The following HERC6 variants were observed in gnomAD, a reference collection of about 807,000 sequenced individuals.
HERC6 encodes the protein HECT and RLD domain containing E3 ubiquitin protein ligase family member 6, also known as probable E3 ubiquitin-protein ligase HERC6.
In HERC6, 101 loss-of-function variants were observed where a neutral mutation model predicts 114.5. The ratio of observed to expected loss-of-function variants is 0.88; its 90% confidence interval spans 0.75 to 1.04. The LOEUF is 1.04. Ranked by LOEUF, HERC6 falls within the 50% of genes least tolerant of loss-of-function variation. The probability of loss-of-function intolerance (pLI) is 0.00; values close to 1 mark genes in which losing one functional copy is unlikely to be tolerated. For synonymous variants in HERC6, 408 were observed against 436.2 expected, an observed-to-expected ratio of 0.94 and a Z score of 0.81; for missense variants, 1,133 against 1,230.9, an observed-to-expected ratio of 0.92 and a Z score of 1.19.
Position 88,435,881 on chromosome 4 carries a change from C to T in HERC6, c.2407C>T (p.Arg803Trp), listed in dbSNP as rs1437454911. 15 of 1,600,994 alleles carry T rather than the reference C, an allele frequency of 9.4e-6. No homozygotes were observed. The highest frequency in any genetic ancestry group is 5.4e-5 in the African/African-American group (4 of 73,956). ...GGAAGATTTAAAAGAACTCAGTCCT[C>T]GGTTGGGGAAGTAAGTAAATATAAC... ...SLEDLKELSP[R>W]LGKSLQEVLD... Residue 803 changes from arginine to tryptophan, a missense_variant, in exon 18 of 23, where the codon CGG becomes TGG. Physicochemically the swap from Arg to Trp is moderately radical, Grantham distance 101. This residue lies in a region of HERC6 where 388 missense variants were observed against 445.9 expected (regional missense o/e 0.87). Coordinates refer to ENST00000264346, the MANE Select transcript of HERC6 (RefSeq NM_017912.4).
At chr4:88,421,533 C>T (rs144320640) in intron 13 of HERC6, among the ~76,000 whole-genome samples, 2,664 of 151,792 alleles carry the variant, frequency 0.018, 77 homozygotes, top group South Asian at 0.069. Flanking sequence ...CTGCCACCTC[C>T]ACCTCCCAGG....
In HERC6 at chr4:88,413,196, C is replaced by T. The variant is rs1307325572; in HGVS notation, c.1488C>T (p.Asn496=). 1 of 1,613,268 alleles carries T rather than the reference C, an allele frequency of 6.2e-7. No individual in the cohort carries two copies. The highest frequency in any genetic ancestry group is 8.5e-7 in the Non-Finnish European group (1 of 1,179,606). ...PECPVMHDSK[N]WKNLVVPFAK... Reference sequence around the variant, plus strand: ...GTCCTGTGATGCATGATTCTAAGAACTGGAAGAACCTGGTGGTTCCATTTG... The same window carrying T: ...GTCCTGTGATGCATGATTCTAAGAATTGGAAGAACCTGGTGGTTCCATTTG... Residue 496 remains asparagine, a synonymous_variant, in exon 12 of 23, where the codon AAC becomes AAT. Transcript: ENST00000264346.
intron 11 of HERC6, among the ~76,000 whole-genome samples, chr4:88,411,228 C>T (rs546521119): frequency 2.0e-5 from 3 of 151,938 alleles, no homozygotes; most frequent in East Asian, 1.9e-4. Context: ...GTGCTGTTCC[C>T]GGTGTAAGTT....
rs1167613600 is a variant in HERC6 at position 88,423,878 on chromosome 4, C to T, written c.1732C>T (p.Arg578Ter). Residue 578 changes from arginine (R) to a stop codon, truncating the protein, a stop_gained, in exon 14 of 23, where the codon CGA becomes TGA. Transcript: ENST00000264346. LOFTEE classifies it high-confidence loss of function. ...ELHKVNKANCRLPENTFNINE... is the reference protein window; with the variant it reads ...ELHKVNKANC ...CTTTAAGGTAAACAAAGCTAACTGT[C>T]GACTACCAGAAAATACTTTCAACAT... 8 of 1,540,548 alleles carry T rather than the reference C, an allele frequency of 5.2e-6. No homozygotes were observed. In the East Asian group the frequency reaches 1.2e-4, roughly 23 times the overall value.
At chr4:88,393,756 G>A (rs2148879083) in intron 5 of HERC6, among the ~76,000 whole-genome samples, 174 bp downstream of exon 5, 1 of 152,304 alleles carries the variant, frequency 6.6e-6, no homozygotes, top group Non-Finnish European at 1.5e-5. Context: ...AGTTCTGGAG[G>A]CTGGGAAGTC....
At chr4:88,441,699 C>G (rs191980122) in intron 22 of HERC6, among the ~76,000 whole-genome samples, 1 of 152,334 alleles carries the variant, frequency 6.6e-6, no homozygotes, top group Admixed American at 6.5e-5. Flanking sequence ...TCCAACTTGT[C>G]CACAGATCCA....
chr4:88,383,380 A>C lies in HERC6; in HGVS notation c.359A>C (p.Lys120Thr), dbSNP rs1734417872. Residue 120 changes from lysine (K) to threonine (T), a missense_variant and splice_region_variant, in exon 2 of 23, where the codon AAG becomes ACG. By Grantham distance (78) the Lys-to-Thr change is moderately conservative. Coordinates refer to ENST00000264346, the MANE Select transcript of HERC6 (RefSeq NM_017912.4). ...GEFKEISFTP[K>T]KIMTLNDIKI... ...TTCAAGGAAATAAGTTTCACACCTAAGTAAGTGTTTCAACCCACTCCTTCA... is the reference window on the plus strand; with the variant it reads ...TTCAAGGAAATAAGTTTCACACCTACGTAAGTGTTTCAACCCACTCCTTCA... 6.7e-7 allele frequency: 1 copy of C among 1,487,386 alleles called. No homozygotes were observed. Among genetic ancestry groups the C allele is most frequent in the African/African-American group, 1.4e-5 (1 of 70,550 alleles). 92.1% of individuals were successfully genotyped at this position (1,487,386 alleles called of 1,614,324 possible).
intron 13 of HERC6, among the ~76,000 whole-genome samples, chr4:88,421,300 C>T (rs1737023232): frequency 6.6e-6 from 1 of 151,976 alleles, no homozygotes; most frequent in African/African-American, 2.4e-5. Context: ...CCGTATATAC[C>T]CAAGAGTGGG....
chr4:88,417,633 T>G (rs550005599), intron 13 of HERC6, 54 bp downstream of exon 13: 167 of 1,483,538 alleles, frequency 1.1e-4, no homozygotes, highest in Non-Finnish European at 9.2e-6. Flanking sequence ...CAAAATCCCT[T>G]AAGTCTCAAC....
At chr4:88,408,681 C>T (rs771174819) in intron 11 of HERC6, 64 bp downstream of exon 11, 1 of 1,114,178 alleles carries the variant, frequency 9.0e-7, no homozygotes, top group Non-Finnish European at 1.3e-6. Flanking sequence ...TTGTTGGAAG[C>T]TGGGTGAGAT....
At chr4:88,427,881 T>C (rs765912660) in intron 15 of HERC6, among the ~76,000 whole-genome samples, 1 of 152,234 alleles carries the variant, frequency 6.6e-6, no homozygotes, top group African/African-American at 2.4e-5. Context: ...AGTCCAACAC[T>C]AGATTTCTAA....
At chr4:88,385,446 G>A (rs774261216) in intron 2 of HERC6, 53 bp from the exon 3 acceptor site, 49 of 839,218 alleles carry the variant, frequency 5.8e-5, no homozygotes, top group Middle Eastern at 2.8e-4. Context: ...GTAGTCCACC[G>A]GACAACTCGC....
At chr4:88,440,717 C>T (rs986335738) in intron 22 of HERC6, 1 of 152,648 alleles carries the variant, frequency 6.6e-6, no homozygotes, top group Non-Finnish European at 1.5e-5. Flanking sequence ...GTGGAACCCC[C>T]ATGGTGGACA....
At chr4:88,379,375 T>C (rs1283354995) in intron 1 of HERC6, among the ~76,000 whole-genome samples, 1 of 151,980 alleles carries the variant, frequency 6.6e-6, no homozygotes, top group Non-Finnish European at 1.5e-5. Context: ...GAAGAGCAAC[T>C]TCCTCAGTTT....
intron 11 of HERC6, among the ~76,000 whole-genome samples, chr4:88,412,509 T>A (rs914307521): frequency 6.6e-6 from 1 of 152,184 alleles, no homozygotes; most frequent in African/African-American, 2.4e-5. Context: ...GGTGGGAGGA[T>A]TGCCTCAACC....
At chr4:88,402,938 G>A (rs1292439877) in intron 8 of HERC6, among the ~76,000 whole-genome samples, 2 of 152,212 alleles carry the variant, frequency 1.3e-5, no homozygotes, top group African/African-American at 2.4e-5. Context: ...GGAACTTTAA[G>A]AGCCGTGGTT....
chr4:88,398,409 C>CA (rs35381527), intron 8 of HERC6, 200 bp downstream of exon 8: 111 of 410,750 alleles, frequency 2.7e-4, no homozygotes, highest in Non-Finnish European at 4.4e-4. Flanking sequence ...TAGACCCCCC[C>CA]ACCACCACCA....
chr4:88,382,582 C>T (rs548453554), intron 1 of HERC6, among the ~76,000 whole-genome samples: 4 of 152,218 alleles, frequency 2.6e-5, no homozygotes, highest in East Asian at 3.9e-4. Context: ...TTACCCCCTC[C>T]GTGATGCCTA....
intron 12 of HERC6, 54 bp from the exon 13 acceptor site, chr4:88,417,371 A>ATT: frequency 6.6e-7 from 1 of 1,525,464 alleles, no homozygotes; most frequent in South Asian, 1.2e-5. Context: ...AGAAACAGAG[A>ATT]TTTGGGGGGT....
Sources: allele counts gnomAD v4.1 joint callset (sites outside exome capture counted in the v4.1 genomes callset), GRCh38; gene constraint gnomAD v4.1.1; regional missense constraint gnomAD v4.1.1; transcripts MANE v1.5; gene names NCBI Gene and HGNC (gene_info 2026-07-23, HGNC 2026-07-21).